Variants in GUF1 observed in about 807,000 individuals in gnomAD.
The protein encoded by GUF1 is GTP binding elongation factor GUF1.
A neutral mutation model predicts 82.4 loss-of-function variants in GUF1; 78 were observed. The ratio of observed to expected loss-of-function variants is 0.95; its 90% confidence interval spans 0.79 to 1.14. The LOEUF (loss-of-function observed/expected upper bound fraction) is 1.14, where lower values mean the gene tolerates loss of function less well. GUF1 is among the 50% of genes most tolerant of loss of function. GUF1 has a pLI of 0.00. For synonymous variants in GUF1, 279 were observed against 282.3 expected (o/e 0.99, Z 0.12); for missense variants, 814 against 798.2 (o/e 1.02, Z -0.24).
chr4:44,691,888 A>C (rs1715470859), intron 13 of GUF1, 89 bp downstream of exon 13: 29 of 934,878 alleles, frequency 3.1e-5, no homozygotes, highest in Non-Finnish European at 4.2e-5. Context: ...TTTATTTAGT[A>C]ATTTCAGCTT....
At chr4:44,694,298 T>C (rs1715638017) in intron 13 of GUF1, 114 bp from the exon 14 acceptor site, 3 of 671,618 alleles carry the variant, frequency 4.5e-6, no homozygotes, top group South Asian at 1.7e-5. Flanking sequence ...TGGAAACATA[T>C]CTCTTTGGGG....
At position 44,678,549 on chromosome 4, in the gene GUF1, T is replaced by A; in HGVS notation, c.-74T>A. On this transcript the variant is annotated 5_prime_UTR_variant, in exon 1 of 17. Coordinates refer to ENST00000281543, the MANE Select transcript of GUF1 (RefSeq NM_021927.3). ...CCTGTCCACCGGATCCTACGGGGGG[T>A]ACCTTCGAAAAAAAACGGGCTATGC... The A allele has an allele frequency of 8.3e-7, 1 of 1,208,736 alleles. No homozygotes were observed. The highest frequency in any genetic ancestry group is 2.1e-5 in the South Asian group (1 of 48,556). The allele number at this position is 1,208,736 out of a possible 1,614,324, so 74.9% of individuals were successfully genotyped here. A position where few individuals can be genotyped will look rare whatever the true frequency, so the allele number is the denominator to read the frequency against.
chr4:44,681,015 A>T (rs972848742), intron 3 of GUF1, 108 bp from the exon 4 acceptor site: 8 of 1,179,848 alleles, frequency 6.8e-6, no homozygotes, highest in Middle Eastern at 2.1e-4. Flanking sequence ...TACAAAAAAG[A>T]AACGAATATT....
At chr4:44,681,745 C>A (rs1714784149) in intron 4 of GUF1, among the ~76,000 whole-genome samples, 1 of 151,906 alleles carries the variant, frequency 6.6e-6, no homozygotes, top group African/African-American at 2.4e-5. Flanking sequence ...CAAAACCCAA[C>A]TTTTTTTTAG....
At chr4:44,688,818 G>A (rs1260403683) in intron 9 of GUF1, among the ~76,000 whole-genome samples, 2 of 151,856 alleles carry the variant, frequency 1.3e-5, no homozygotes, top group East Asian at 3.9e-4. Context: ...GTTTTTGTCA[G>A]TAAATACCAA....
rs921311255 is a variant in GUF1 at position 44,690,946 on chromosome 4, T to C, written c.1479+86T>C. 4.0e-5 allele frequency: 38 copies of C among 949,750 alleles called. No homozygotes were observed. In the African/African-American group the frequency reaches 5.7e-4, roughly 14 times the overall value. The allele number at this position is 949,750 out of a possible 1,614,324, so 58.8% of individuals were successfully genotyped here. A position where few individuals can be genotyped will look rare whatever the true frequency, so the allele number is the denominator to read the frequency against. On this transcript the variant is annotated intron_variant, in intron 12 of 16. Transcript: ENST00000281543. ...CAACTCAGGTTTTAAAAGATTTCTT[T>C]CTGCTGAGCATACTGAATTTAATGA...
rs769072689 is a variant in GUF1, at chr4:44,698,501, TTTAGAGTGAC to T, written c.1873-37_1873-28del. Reference sequence around the variant, plus strand: ...CGCTGTAATCATATGATTGTTTCTCTTTAGAGTGACTTAGACTTCCAATGTTTTAAAATAT... The same window carrying T: ...CGCTGTAATCATATGATTGTTTCTCTTTAGACTTCCAATGTTTTAAAATAT... On this transcript the variant is annotated intron_variant, in intron 16 of 16. Coordinates refer to ENST00000281543, the MANE Select transcript of GUF1 (RefSeq NM_021927.3). The T allele has an allele frequency of 5.4e-5, 81 of 1,495,792 alleles. No individual in the cohort carries two copies. In the Admixed American group the frequency reaches 1.7e-3, roughly 31 times the overall value. 92.7% of individuals were successfully genotyped at this position (1,495,792 alleles called of 1,614,324 possible).
chr4:44,687,916 A>T, intron 8 of GUF1, 91 bp from the exon 9 acceptor site: 2 of 1,159,090 alleles, frequency 1.7e-6, no homozygotes. Flanking sequence ...TGGAAAGTGT[A>T]TGATAGTTTC....
intron 10 of GUF1, 45 bp from the exon 11 acceptor site, chr4:44,689,798 C>T: frequency 1.3e-6 from 2 of 1,502,344 alleles, no homozygotes; most frequent in Non-Finnish European, 1.8e-6. Flanking sequence ...AAAAATGAAG[C>T]CCATGGGACA....
Position 44,689,332 on chromosome 4 carries a change from T to C in GUF1, c.1125T>C (p.Ala375=). 2 of 1,610,746 alleles carry C rather than the reference T, an allele frequency of 1.2e-6. No homozygotes were observed. The highest frequency in any genetic ancestry group is 1.7e-6 in the Non-Finnish European group (2 of 1,177,744). The change falls in exon 10 of 17, where the codon GCT becomes GCC. Residue 375 remains alanine, a synonymous_variant. Coordinates refer to ENST00000281543, the MANE Select transcript of GUF1 (RefSeq NM_021927.3). ...CTGAATATAACAATCTGAAGAGTGC[T>C]ATAGAAAAACTGACTTTAAATGATT... ...DQSEYNNLKS[A]IEKLTLNDSS...
At chr4:44,692,037 CAAA>C (rs59797992) in intron 13 of GUF1, among the ~76,000 whole-genome samples, 2,017 of 151,778 alleles carry the variant, frequency 0.013, 43 homozygotes, top group African/African-American at 0.046. Flanking sequence ...TCTCTTTTAA[CAAA>C]AAAAGTTAGT....
At position 44,678,468 on chromosome 4, in the gene GUF1, A is replaced by G. The variant is rs914833499; in HGVS notation, c.-155A>G. 5.4e-6 allele frequency: 3 copies of G among 558,946 alleles called. No homozygotes were observed. The highest frequency in any genetic ancestry group is 2.0e-5 in the African/African-American group (1 of 50,748). 34.6% of individuals were successfully genotyped at this position (558,946 alleles called of 1,614,324 possible). A position where few individuals can be genotyped will look rare whatever the true frequency, so the allele number is the denominator to read the frequency against. On this transcript the variant is annotated 5_prime_UTR_variant, in exon 1 of 17. Transcript: ENST00000281543. ...GCTTCGGGTTGCTTCCGGATCTGGT[A>G]CTTGGGCAGAGCTCCCCGGGGTTCA...
chr4:44,688,423 G>A (rs972951474), intron 9 of GUF1, among the ~76,000 whole-genome samples: 1 of 151,722 alleles, frequency 6.6e-6, no homozygotes, highest in African/African-American at 2.4e-5. Context: ...TATTTTTCTA[G>A]GGAGTTCATT....
At position 44,698,823 on chromosome 4, in the gene GUF1, G is replaced by C; in HGVS notation, c.*142G>C. The C allele has an allele frequency of 1.5e-6, 1 of 674,738 alleles. No homozygotes were observed. Among genetic ancestry groups the C allele is most frequent in the Non-Finnish European group, 2.4e-6 (1 of 408,570 alleles). The allele number at this position is 674,738 out of a possible 1,614,324, so 41.8% of individuals were successfully genotyped here. ...TTCGTTGAAAGGGAGTAGTTAGTGG[G>C]TAGGCAAGAGCTTAGATTTTGAAGC... On this transcript the variant is annotated 3_prime_UTR_variant, in exon 17 of 17. Coordinates refer to ENST00000281543, the MANE Select transcript of GUF1 (RefSeq NM_021927.3).
chr4:44,682,657 A>G (rs1714835936), intron 5 of GUF1: 2 of 269,738 alleles, frequency 7.4e-6, no homozygotes, highest in Non-Finnish European at 1.4e-5. Context: ...AGGGAAGGGA[A>G]GCAGGGCAGA....
rs545104675 is a variant in GUF1, at chr4:44,698,901, G to A, written c.*220G>A. The A allele has an allele frequency of 3.5e-5, 15 of 424,906 alleles. No individual in the cohort carries two copies. The highest frequency in any genetic ancestry group is 3.2e-4 in the South Asian group (9 of 28,196). 26.3% of individuals were successfully genotyped at this position (424,906 alleles called of 1,614,324 possible). A position where few individuals can be genotyped will look rare whatever the true frequency, so the allele number is the denominator to read the frequency against. On this transcript the variant is annotated 3_prime_UTR_variant, in exon 17 of 17. Coordinates refer to ENST00000281543, the MANE Select transcript of GUF1 (RefSeq NM_021927.3). ...CCAACCACTCACTAGTAAGGTGACC[G>A]TGGCCAGATTAACCTTTGTTTCCTC...
At chr4:44,696,019 A>G (rs1222641240) in intron 15 of GUF1, among the ~76,000 whole-genome samples, 1 of 152,180 alleles carries the variant, frequency 6.6e-6, no homozygotes, top group Non-Finnish European at 1.5e-5. Flanking sequence ...TTCCTGGGTA[A>G]GGAATTTCTT....
rs116617651 is a variant in GUF1 at position 44,680,705 on chromosome 4, A to T, written c.289A>T (p.Lys97Ter). The T allele has an allele frequency of 6.3e-7, 1 of 1,596,396 alleles. No individual in the cohort carries two copies. Among genetic ancestry groups the T allele is most frequent in the Non-Finnish European group, 8.6e-7 (1 of 1,168,968 alleles). ...GTTTCTGTTTATAGGGACAATTGAT[A>T]AAACAAAGAATAATAAGCAGGTTCT... Reference protein sequence around the residue: ...RLLELTGTIDKTKNNKQVLDK... With the variant: ...RLLELTGTID The change falls in exon 3 of 17, where the codon AAA becomes TAA. Residue 97 changes from lysine to a stop codon, truncating the protein, a stop_gained. Transcript: ENST00000281543. LOFTEE classifies it high-confidence loss of function.
Position 44,698,477 on chromosome 4 carries a change from G to A in GUF1, c.1873-67G>A, listed in dbSNP as rs375715820. On this transcript the variant is annotated intron_variant, in intron 16 of 16. Coordinates refer to ENST00000281543, the MANE Select transcript of GUF1 (RefSeq NM_021927.3). ...TGGTTGTTAAGGTTGTACTGATGCC[G>A]CTGTAATCATATGATTGTTTCTCTT... 29 of 1,240,704 alleles carry A rather than the reference G, an allele frequency of 2.3e-5. No individual in the cohort carries two copies. In the African/African-American group the frequency reaches 3.0e-4, roughly 13 times the overall value. 76.9% of individuals were successfully genotyped at this position (1,240,704 alleles called of 1,614,324 possible).
Sources: gnomAD v4.1 joint callset for allele counts (sites outside exome capture counted in the v4.1 genomes callset) on GRCh38, gnomAD v4.1.1 for gene constraint, MANE v1.5 for transcripts, NCBI Gene and HGNC (gene_info 2026-07-23, HGNC 2026-07-21) for gene names.